Variants in NDE1 observed in about 807,000 individuals in gnomAD.
The protein encoded by NDE1 is nuclear distribution protein nudE homolog 1.
In NDE1, 28 loss-of-function variants were observed where a neutral mutation model predicts 43.4. The ratio of observed to expected loss-of-function variants is 0.65; its 90% confidence interval spans 0.48 to 0.89. NDE1 has a LOEUF of 0.89. Ranked by LOEUF, NDE1 falls within the 40% of genes least tolerant of loss-of-function variation. The pLI is 0.00. For missense variants in NDE1, 441 were observed against 434.1 expected, an observed-to-expected ratio of 1.02 and a Z score of -0.14; for synonymous variants, 184 against 172.0, an observed-to-expected ratio of 1.07 and a Z score of -0.55.
intron 4 of NDE1, among the ~76,000 whole-genome samples, chr16:15,682,267 C>G (rs1165650044): frequency 1.3e-5 from 2 of 152,174 alleles, no homozygotes; most frequent in Non-Finnish European, 2.9e-5. Flanking sequence ...TCACTTCAGC[C>G]TCCCCAGTAG....
chr16:15,703,391 C>A lies in NDE1; in HGVS notation c.947+6531C>A, dbSNP rs370591283. On this transcript the variant is annotated intron_variant, in intron 8 of 8. Transcript: ENST00000396354. ...ATTGGGAGTGGGGGCCGGCGGCACC[C>A]ATTTCGGTGACTTTCTCCCCATTTC... The A allele has an allele frequency of 1.6e-4, 39 of 238,360 alleles. No homozygotes were observed. Among genetic ancestry groups the A allele is most frequent in the African/African-American group, 8.4e-4 (38 of 45,316 alleles). The allele number at this position is 238,360 out of a possible 1,614,324, so 14.8% of individuals were successfully genotyped here.
chr16:15,699,789 G>A (rs772365768), intron 8 of NDE1: 31 of 1,351,398 alleles, frequency 2.3e-5, no homozygotes, highest in African/African-American at 1.5e-4. Flanking sequence ...CGCCGCTGCC[G>A]TCAGCCCAGG....
intron 8 of NDE1, chr16:15,697,167 C>T (rs1020094020): frequency 3.4e-5 from 22 of 654,160 alleles, no homozygotes; most frequent in Admixed American, 1.9e-4. Context: ...CTCAGTCCCC[C>T]GAGTAGCTGG....
chr16:15,694,401 AGTG>A (rs2038912100), intron 7 of NDE1, 145 bp downstream of exon 7: 1 of 1,516,426 alleles, frequency 6.6e-7, no homozygotes, highest in African/African-American at 1.4e-5. Context: ...GCTGGAGTGT[AGTG>A]GTATGATCAC....
At chr16:15,721,333 G>T in intron 8 of NDE1, 2 of 1,427,970 alleles carry the variant, frequency 1.4e-6, no homozygotes, top group Non-Finnish European at 9.8e-7. Flanking sequence ...TATGAAAAAG[G>T]CCAGGAGCTA....
At chr16:15,655,969 G>A (rs1567616827) in intron 1 of NDE1, among the ~76,000 whole-genome samples, 1 of 136,394 alleles carries the variant, frequency 7.3e-6, no homozygotes, top group African/African-American at 2.7e-5. Flanking sequence ...TCACACTCTG[G>A]GGACTGTTGT....
rs773262895 is a variant in NDE1 at position 15,691,182 on chromosome 16, A to G, written c.562A>G (p.Lys188Glu). Residue 188 changes from lysine (K) to glutamate (E), a missense_variant, in exon 6 of 9, where the codon AAA (lysine) becomes GAA (glutamate). Coordinates refer to ENST00000396354, the MANE Select transcript of NDE1 (RefSeq NM_017668.3). Reference protein sequence around the residue: ...QELAVQQKQEKPRTPMPSSVE... With the variant: ...QELAVQQKQEEPRTPMPSSVE... ...ACTGGCCGTGCAGCAGAAGCAGGAG[A>G]AACCCAGGACCCCCATGCCCAGCTC... 1.4e-5 allele frequency: 22 copies of G among 1,614,092 alleles called. No individual in the cohort carries two copies. Among genetic ancestry groups the G allele is most frequent in the Non-Finnish European group, 1.8e-5 (21 of 1,180,008 alleles).
chr16:15,679,591 G>A (rs901019125), intron 4 of NDE1, among the ~76,000 whole-genome samples: 6 of 152,052 alleles, frequency 3.9e-5, no homozygotes, highest in Admixed American at 6.6e-5. Context: ...TATAATTTCT[G>A]TTCTATTGAG....
chr16:15,699,955 C>A, intron 8 of NDE1: 1 of 1,211,678 alleles, frequency 8.3e-7, no homozygotes, highest in Non-Finnish European at 1.1e-6. Flanking sequence ...AGCTTTGCGG[C>A]CCAAGCCAAT....
At chr16:15,679,192 G>GCCA (rs984963063) in intron 4 of NDE1, among the ~76,000 whole-genome samples, 29 of 152,186 alleles carry the variant, frequency 1.9e-4, no homozygotes, top group Admixed American at 1.5e-3. Flanking sequence ...GGGCAGTGGT[G>GCCA]CCACCATAGT....
At chr16:15,699,881 CTT>C (rs1356934742) in intron 8 of NDE1, 10 of 1,297,964 alleles carry the variant, frequency 7.7e-6, no homozygotes, top group Non-Finnish European at 9.0e-6. Flanking sequence ...CTTTTGTCGT[CTT>C]TTTACACTAG....
intron 8 of NDE1, chr16:15,701,454 C>G (rs1177535103): frequency 6.6e-6 from 1 of 152,128 alleles, no homozygotes; most frequent in Non-Finnish European, 1.5e-5. Flanking sequence ...CCTGAGGGGT[C>G]TTTGGGGCAA....
At chr16:15,672,108 CAA>C (rs1186313843) in intron 3 of NDE1, among the ~76,000 whole-genome samples, 5 of 151,992 alleles carry the variant, frequency 3.3e-5, no homozygotes, top group South Asian at 2.1e-4. Context: ...AGTAAAATAT[CAA>C]GAGAATTACT....
intron 8 of NDE1, chr16:15,720,039 C>T: frequency 9.1e-6 from 13 of 1,433,844 alleles, no homozygotes; most frequent in East Asian, 2.3e-5. Context: ...GCTGAACCCA[C>T]ACCAATGGCA....
chr16:15,664,681 G>C (rs1758273116), intron 1 of NDE1, 55 bp from the exon 2 acceptor site: 6 of 916,236 alleles, frequency 6.5e-6, no homozygotes, highest in Non-Finnish European at 1.1e-5. Flanking sequence ...TTCTGTTAAA[G>C]GGGATCAGCT....
intron 3 of NDE1, among the ~76,000 whole-genome samples, chr16:15,669,360 A>AT (rs1187758200): frequency 0.011 from 1,401 of 125,558 alleles, 22 homozygotes; most frequent in African/African-American, 0.023. Flanking sequence ...CGCCTGGCTA[A>AT]TTTTTTTTTT....
In NDE1 at chr16:15,724,651, A is replaced by G; in HGVS notation, c.*400A>G. 1 of 1,614,060 alleles carries G rather than the reference A, an allele frequency of 6.2e-7. No individual in the cohort carries two copies. Among genetic ancestry groups the G allele is most frequent in the East Asian group, 2.2e-5 (1 of 44,876 alleles). On this transcript the variant is annotated 3_prime_UTR_variant, in exon 9 of 9. Transcript: ENST00000396354. The stretch of plus-strand genomic sequence containing the variant: ...GCAAGGACACGGGGCAGGCACCTGG[A>G]TGTTGAGAGTGGAGATGTGGCGCTC...
chr16:15,708,245 C>T (rs753519545), intron 8 of NDE1, among the ~76,000 whole-genome samples: 3 of 152,206 alleles, frequency 2.0e-5, no homozygotes, highest in East Asian at 1.9e-4. Context: ...TCATTTCCTT[C>T]GCAGACAAGC....
rs562660674 is a variant in NDE1 at position 15,669,175 on chromosome 16, C to G, written c.237+1736C>G. On this transcript the variant is annotated intron_variant, in intron 3 of 8. Coordinates refer to ENST00000396354, the MANE Select transcript of NDE1 (RefSeq NM_017668.3). Reference sequence around the variant, plus strand: ...TCAGCCTCCCAAAGTGCTGGGAATACAGGCGTGAGCCACTGTGCCCAGCCT... The same window carrying G: ...TCAGCCTCCCAAAGTGCTGGGAATAGAGGCGTGAGCCACTGTGCCCAGCCT... 2.0e-5 allele frequency among the ~76,000 whole-genome samples: 3 copies of G among 148,104 alleles called. No homozygotes were observed. In the South Asian group the frequency reaches 6.4e-4, roughly 32 times the overall value.
Sources: allele counts gnomAD v4.1 joint callset (sites outside exome capture counted in the v4.1 genomes callset), GRCh38; gene constraint gnomAD v4.1.1; transcripts MANE v1.5; gene names NCBI Gene and HGNC (gene_info 2026-07-23, HGNC 2026-07-21).